The following SYNPR variants were observed in gnomAD, a reference collection of about 807,000 sequenced individuals.
The protein encoded by SYNPR is synaptoporin.
SYNPR carries 23 observed loss-of-function variants against 32.9 expected under a neutral mutation model. That is an observed-to-expected ratio of 0.70 (90% confidence interval 0.50 to 0.99). The LOEUF (loss-of-function observed/expected upper bound fraction) is 0.99. Ranked by LOEUF, SYNPR falls within the 50% of genes least tolerant of loss-of-function variation. The pLI is 0.00. For missense variants in SYNPR, 318 were observed against 349.3 expected (o/e 0.91, Z 0.71); for synonymous variants, 146 against 135.9 (o/e 1.07, Z -0.52).
chr3:63,601,847 C>T (rs1700049483), intron 4 of SYNPR, among the ~76,000 whole-genome samples: 1 of 152,086 alleles, frequency 6.6e-6, no homozygotes, highest in Admixed American at 6.6e-5. Context: ...GGTATATACC[C>T]AATAATGAGA....
chr3:63,263,397 C>G (rs552384704), intron 2 of SYNPR, among the ~76,000 whole-genome samples: 85 of 152,284 alleles, frequency 5.6e-4, no homozygotes, highest in African/African-American at 1.4e-3. Context: ...TTACTGTGTA[C>G]TGGAATTGTG....
intron 2 of SYNPR, among the ~76,000 whole-genome samples, chr3:63,366,394 T>C (rs908179792): frequency 2.6e-5 from 4 of 152,154 alleles, no homozygotes; most frequent in Non-Finnish European, 5.9e-5. Context: ...CACTATGTTA[T>C]GTAAGGAAAA....
upstream of SYNPR, among the ~76,000 whole-genome samples, chr3:63,275,385 AGGAAAAGCATCCTCTGACAAT>A (rs1300700739): frequency 6.6e-6 from 1 of 152,254 alleles, no homozygotes; most frequent in Non-Finnish European, 1.5e-5. Context: ...TTTCTGGAAT[AGGAAAAGCATCCTCTGACAAT>A]GTGCAATTGT....
In SYNPR at chr3:63,539,271, G is replaced by A. The variant is rs9878546; in HGVS notation, c.210-17272G>A. On this transcript the variant is annotated intron_variant, in intron 3 of 5. Transcript: ENST00000478300. ...AACAAAGTAGAATCCATGAAGGGAGGTGTGAAGTTATTTTTATAAATAAAC... is the reference window on the plus strand; with the variant it reads ...AACAAAGTAGAATCCATGAAGGGAGATGTGAAGTTATTTTTATAAATAAAC... 7.7e-3 allele frequency among the ~76,000 whole-genome samples: 1,174 copies of A among 152,192 alleles called. 13 individuals are homozygous for A. The highest frequency in any genetic ancestry group is 0.026 in the African/African-American group (1,094 of 41,526).
intron 3 of SYNPR, among the ~76,000 whole-genome samples, chr3:63,500,497 AC>A (rs1221433353): frequency 2.0e-5 from 3 of 152,238 alleles, no homozygotes; most frequent in Non-Finnish European, 4.4e-5. Context: ...TACAGATCAA[AC>A]AAACCAAAGT....
At chr3:63,512,721 T>G (rs907054613) in intron 3 of SYNPR, among the ~76,000 whole-genome samples, 1 of 152,114 alleles carries the variant, frequency 6.6e-6, no homozygotes, top group Admixed American at 6.6e-5. Flanking sequence ...GAAAATGGAT[T>G]CTCGTCAGAG....
chr3:63,238,821 T>C (rs1022049908), intron 1 of SYNPR, among the ~76,000 whole-genome samples: 21 of 152,154 alleles, frequency 1.4e-4, no homozygotes, highest in African/African-American at 5.1e-4. Flanking sequence ...TGTTATTTCA[T>C]AACAGTGATT....
intron 4 of SYNPR, among the ~76,000 whole-genome samples, chr3:63,560,213 G>T (rs985291599): frequency 6.6e-6 from 1 of 152,178 alleles, no homozygotes; most frequent in Admixed American, 6.5e-5. Flanking sequence ...TTAAAAAACT[G>T]AAGTGCTCAT....
chr3:63,332,450 T>TGCCC (rs1322183722), intron 2 of SYNPR, among the ~76,000 whole-genome samples: 4 of 152,188 alleles, frequency 2.6e-5, no homozygotes, highest in African/African-American at 9.7e-5. Flanking sequence ...AAAATATATC[T>TGCCC]GCCCTATCTG....
intron 4 of SYNPR, among the ~76,000 whole-genome samples, chr3:63,559,703 G>GT (rs11376346): frequency 0.41 from 59,322 of 144,716 alleles, 12,089 homozygotes; most frequent in South Asian, 0.48. Flanking sequence ...TTGGGCAAGT[G>GT]TTTTTTTTTT....
chr3:63,544,858 T>C (rs1702372369), intron 3 of SYNPR, among the ~76,000 whole-genome samples: 1 of 151,778 alleles, frequency 6.6e-6, no homozygotes, highest in Non-Finnish European at 1.5e-5. Context: ...ATATACTCCA[T>C]CATCTCATTC....
At chr3:63,343,114 G>A (rs968598428) in intron 2 of SYNPR, among the ~76,000 whole-genome samples, 1 of 152,122 alleles carries the variant, frequency 6.6e-6, no homozygotes, top group Non-Finnish European at 1.5e-5. Flanking sequence ...AAGGCGACAA[G>A]TTTGGCATAT....
At chr3:63,438,996 C>T (rs182492776) in intron 2 of SYNPR, among the ~76,000 whole-genome samples, 4 of 152,028 alleles carry the variant, frequency 2.6e-5, no homozygotes, top group Non-Finnish European at 5.9e-5. Context: ...GCTAGGCCTC[C>T]CACTGGCCAG....
chr3:63,593,641 G>A (rs1325910121), intron 4 of SYNPR, among the ~76,000 whole-genome samples: 1 of 152,198 alleles, frequency 6.6e-6, no homozygotes, highest in Non-Finnish European at 1.5e-5. Context: ...ATTTAACTTC[G>A]GGGAAAAAGC....
At chr3:63,353,718 C>T (rs779934846) in intron 2 of SYNPR, among the ~76,000 whole-genome samples, 2 of 152,174 alleles carry the variant, frequency 1.3e-5, no homozygotes, top group South Asian at 2.1e-4. Context: ...CAGCTGTTAA[C>T]ACCTCCAGCT....
chr3:63,465,616 A>T (rs1011571778), intron 2 of SYNPR, among the ~76,000 whole-genome samples: 4 of 152,156 alleles, frequency 2.6e-5, no homozygotes, highest in African/African-American at 9.7e-5. Context: ...TCTAGCCAAA[A>T]ATAATTACCT....
At chr3:63,262,188 A>G (rs1382558226) in intron 2 of SYNPR, among the ~76,000 whole-genome samples, 1 of 152,176 alleles carries the variant, frequency 6.6e-6, no homozygotes, top group Non-Finnish European at 1.5e-5. Context: ...TTTACATGCC[A>G]CCGCTGAATT....
intron 2 of SYNPR, among the ~76,000 whole-genome samples, chr3:63,362,146 G>A (rs1355022821): frequency 1.3e-5 from 2 of 152,180 alleles, no homozygotes; most frequent in East Asian, 1.9e-4. Context: ...AACCAGAGAT[G>A]TTCAGATGGT....
At chr3:63,550,836 T>C (rs1389577102) in intron 3 of SYNPR, among the ~76,000 whole-genome samples, 1 of 152,210 alleles carries the variant, frequency 6.6e-6, no homozygotes, top group Middle Eastern at 3.2e-3. Context: ...CCAAAATCTA[T>C]AATTTGGCCA....
Sources: allele counts gnomAD v4.1 joint callset (sites outside exome capture counted in the v4.1 genomes callset), GRCh38; gene constraint gnomAD v4.1.1; transcripts MANE v1.5; gene names NCBI Gene and HGNC (gene_info 2026-07-23, HGNC 2026-07-21).